Variants in STX8 observed in about 807,000 individuals in gnomAD.
The protein encoded by STX8 is syntaxin 8.
A neutral mutation model predicts 37.5 loss-of-function variants in STX8; 23 were observed. The observed-to-expected ratio is 0.61, with a 90% CI of 0.44 to 0.87. STX8 has a LOEUF of 0.87. STX8 is among the 40% of genes least tolerant of loss of function. STX8 has a pLI of 0.00. For missense variants in STX8, 313 were observed against 284.7 expected, an observed-to-expected ratio of 1.10 and a Z score of -0.71; for synonymous variants, 115 against 99.1, an observed-to-expected ratio of 1.16 and a Z score of -0.95.
intron 7 of STX8, among the ~76,000 whole-genome samples, chr17:9,345,649 A>G (rs1487504991): frequency 6.6e-6 from 1 of 151,556 alleles, no homozygotes; most frequent in African/African-American, 2.4e-5. Flanking sequence ...CACATTGTGG[A>G]ATGATTATAT....
At position 9,406,851 on chromosome 17, in the gene STX8, C is replaced by T. The variant is rs75180106; in HGVS notation, c.542-28198G>A. On this transcript the variant is annotated intron_variant, in intron 6 of 7. Transcript: ENST00000306357. ...TGTATAAGTGGAGCTGCATAGCTCCCGGGTCAAGTGTATATTGGACTATAG... is the reference window on the plus strand; with the variant it reads ...TGTATAAGTGGAGCTGCATAGCTCCTGGGTCAAGTGTATATTGGACTATAG... 1.6e-4 allele frequency among the ~76,000 whole-genome samples: 25 copies of T among 152,138 alleles called. No individual in the cohort carries two copies. In the East Asian group the frequency reaches 3.3e-3, roughly 20 times the overall value.
At chr17:9,254,456 C>CG (rs1477188012) in intron 7 of STX8, among the ~76,000 whole-genome samples, 1 of 151,710 alleles carries the variant, frequency 6.6e-6, no homozygotes, top group African/African-American at 2.4e-5. Flanking sequence ...AGTGCGGTGA[C>CG]GTGATCTTGG....
chr17:9,549,136 G>C (rs1334078304), intron 3 of STX8, among the ~76,000 whole-genome samples: 2 of 152,076 alleles, frequency 1.3e-5, no homozygotes, highest in African/African-American at 4.8e-5. Flanking sequence ...AATGAGATGA[G>C]ACAGGATAGA....
intron 2 of STX8, among the ~76,000 whole-genome samples, chr17:9,560,377 G>A (rs1279923853): frequency 5.4e-5 from 6 of 110,988 alleles, no homozygotes; most frequent in Admixed American, 1.4e-4. Context: ...CAGCCTGGGC[G>A]ACAGAGCAAG....
At chr17:9,271,586 C>T (rs1907463933) in intron 7 of STX8, among the ~76,000 whole-genome samples, 1 of 152,038 alleles carries the variant, frequency 6.6e-6, no homozygotes, top group Admixed American at 6.5e-5. Flanking sequence ...CCCATCTGTA[C>T]TAAAAATACA....
intron 7 of STX8, among the ~76,000 whole-genome samples, chr17:9,360,348 C>A (rs552999447): frequency 6.6e-6 from 1 of 150,818 alleles, no homozygotes; most frequent in African/African-American, 2.4e-5. Flanking sequence ...GATTCTCCTG[C>A]CTCAGCCTCC....
At chr17:9,391,399 C>T (rs545704470) in intron 6 of STX8, among the ~76,000 whole-genome samples, 49 of 152,052 alleles carry the variant, frequency 3.2e-4, no homozygotes, top group African/African-American at 1.2e-3. Flanking sequence ...TTGCAGTGAG[C>T]GGAGATCATG....
chr17:9,364,785 C>T (rs756993723), intron 7 of STX8, among the ~76,000 whole-genome samples: 12 of 152,058 alleles, frequency 7.9e-5, no homozygotes, highest in Non-Finnish European at 1.5e-4. Flanking sequence ...CCACCCGCCT[C>T]GGCCTCCCAA....
chr17:9,457,970 A>G (rs1320674700), intron 6 of STX8, among the ~76,000 whole-genome samples: 2 of 152,240 alleles, frequency 1.3e-5, no homozygotes, highest in Non-Finnish European at 2.9e-5. Context: ...CATATTCACT[A>G]TAATGTAGCA....
chr17:9,272,097 T>A (rs993351413), intron 7 of STX8, among the ~76,000 whole-genome samples: 6 of 152,106 alleles, frequency 3.9e-5, no homozygotes, highest in Admixed American at 3.9e-4. Flanking sequence ...CACGCCAATA[T>A]CCCTCAGCCT....
chr17:9,549,005 A>T (rs1906658068), intron 3 of STX8, among the ~76,000 whole-genome samples: 1 of 152,190 alleles, frequency 6.6e-6, no homozygotes, highest in Non-Finnish European at 1.5e-5. Flanking sequence ...CAAGCTTCAG[A>T]ACCATATGTA....
intron 7 of STX8, among the ~76,000 whole-genome samples, chr17:9,311,997 G>A (rs1053215163): frequency 8.6e-5 from 13 of 151,506 alleles, no homozygotes; most frequent in African/African-American, 2.9e-4. Context: ...ACAGGTGCCC[G>A]CCATTATGCC....
intron 7 of STX8, among the ~76,000 whole-genome samples, chr17:9,306,385 G>A (rs7210370): frequency 0.095 from 14,491 of 152,104 alleles, 2,168 homozygotes; most frequent in African/African-American, 0.32. Flanking sequence ...AAGACAGGGA[G>A]CGGGGAATCA....
intron 6 of STX8, among the ~76,000 whole-genome samples, chr17:9,405,694 C>T (rs1343431509): frequency 6.6e-6 from 1 of 152,168 alleles, no homozygotes; most frequent in Non-Finnish European, 1.5e-5. Flanking sequence ...CAGAATTGGT[C>T]ACTCACTTGC....
intron 3 of STX8, among the ~76,000 whole-genome samples, chr17:9,548,191 A>G (rs1906624860): frequency 6.6e-6 from 1 of 152,098 alleles, no homozygotes; most frequent in Non-Finnish European, 1.5e-5. Flanking sequence ...TGCAACCTCC[A>G]GCTCCAGAGT....
chr17:9,486,678 G>A (rs182628560), intron 6 of STX8, among the ~76,000 whole-genome samples: 2 of 151,992 alleles, frequency 1.3e-5, no homozygotes, highest in South Asian at 2.1e-4. Context: ...CAGGGCGACC[G>A]GACCCCCATC....
intron 4 of STX8, among the ~76,000 whole-genome samples, chr17:9,515,475 G>T (rs1905134989): frequency 6.6e-6 from 1 of 151,602 alleles, no homozygotes; most frequent in African/African-American, 2.4e-5. Context: ...AACGACAGGT[G>T]TGTTTCTTTG....
intron 6 of STX8, among the ~76,000 whole-genome samples, chr17:9,471,442 C>T (rs975052418): frequency 6.6e-6 from 1 of 152,054 alleles, no homozygotes; most frequent in Admixed American, 6.6e-5. Context: ...TGAGCCACCG[C>T]GCCCGGCCCT....
intron 4 of STX8, among the ~76,000 whole-genome samples, chr17:9,523,076 G>A (rs1408314079): frequency 6.6e-6 from 1 of 151,956 alleles, no homozygotes; most frequent in Non-Finnish European, 1.5e-5. Flanking sequence ...ACTTTGGGAG[G>A]CCGAGGCAGG....
Sources: gnomAD v4.1 joint callset for allele counts (sites outside exome capture counted in the v4.1 genomes callset) on GRCh38, gnomAD v4.1.1 for gene constraint, MANE v1.5 for transcripts, NCBI Gene and HGNC (gene_info 2026-07-23, HGNC 2026-07-21) for gene names.